Variants in CDCA8 observed in about 807,000 individuals in gnomAD.
CDCA8 encodes cell division cycle associated 8.
CDCA8 carries 25 observed loss-of-function variants against 40.0 expected under a neutral mutation model. The observed-to-expected ratio is 0.63, with a 90% CI of 0.46 to 0.87. The LOEUF (loss-of-function observed/expected upper bound fraction) is 0.87. Among genes scored for constraint, CDCA8 ranks in the 40% least tolerant of loss-of-function variants. The pLI, the probability that CDCA8 is intolerant of heterozygous loss-of-function variation, is 0.00. For missense variants in CDCA8, 280 were observed against 348.4 expected, an observed-to-expected ratio of 0.80 and a Z score of 1.56; for synonymous variants, 111 against 126.5, an observed-to-expected ratio of 0.88 and a Z score of 0.82.
intron 5 of CDCA8, among the ~76,000 whole-genome samples, chr1:37,701,146 G>T (rs1426397853): frequency 1.3e-5 from 2 of 152,168 alleles, no homozygotes; most frequent in Non-Finnish European, 2.9e-5. Flanking sequence ...AGGGAGATTT[G>T]AGAGATACAC....
At chr1:37,703,228 C>A (rs1316305577) in intron 6 of CDCA8, 24 bp from the exon 7 acceptor site, 2 of 1,577,800 alleles carry the variant, frequency 1.3e-6, no homozygotes, top group Non-Finnish European at 1.7e-6. Context: ...GTTGGCATAC[C>A]TGATGGCCAT....
chr1:37,692,856 A>C (rs966430697), intron 1 of CDCA8, 49 bp from the exon 2 acceptor site: 2 of 1,612,796 alleles, frequency 1.2e-6, no homozygotes, highest in African/African-American at 2.7e-5. Flanking sequence ...CGAGCTGCAC[A>C]GATTCGCCCG....
At chr1:37,695,200 AT>A (rs1321602189) in intron 2 of CDCA8, among the ~76,000 whole-genome samples, 2 of 152,012 alleles carry the variant, frequency 1.3e-5, no homozygotes, top group East Asian at 1.9e-4. Context: ...TTTAAAAAAA[AT>A]AATTAAAAAT....
At chr1:37,705,217 G>A (rs1028880964) in intron 7 of CDCA8, among the ~76,000 whole-genome samples, 2 of 152,122 alleles carry the variant, frequency 1.3e-5, no homozygotes, top group African/African-American at 4.8e-5. Context: ...GATAAGAGTT[G>A]GCTTTTTGTA....
In CDCA8 at chr1:37,705,622, C is replaced by T. The variant is rs1489471442; in HGVS notation, c.711+55C>T. ...CAGTGTGCTGCTTAGTCAAGCATTT[C>T]TTTTCCCTGGGCCCTCACCCACGCT... On this transcript the variant is annotated intron_variant, in intron 8 of 9. Transcript: ENST00000373055. 1.9e-6 allele frequency: 3 copies of T among 1,595,774 alleles called. No homozygotes were observed. In the African/African-American group the frequency reaches 4.0e-5, roughly 21 times the overall value.
At chr1:37,705,671 C>A in intron 8 of CDCA8, 104 bp downstream of exon 8, 1 of 1,358,754 alleles carries the variant, frequency 7.4e-7, no homozygotes, top group Non-Finnish European at 1.0e-6. Flanking sequence ...CCTTTCAGTG[C>A]GTGGGTCCTG....
chr1:37,708,269 G>GCAAGCCTGC, intron 9 of CDCA8, 53 bp from the exon 10 acceptor site: 1 of 1,570,292 alleles, frequency 6.4e-7, no homozygotes, highest in Non-Finnish European at 8.8e-7. Context: ...AGGCCAAGGG[G>GCAAGCCTGC]CAAGCCTGCC....
Position 37,695,928 on chromosome 1 carries a change from AGGCCCT to A in CDCA8, c.245_250del (p.Ala82_Leu83del), listed in dbSNP as rs1557515588. 1 of 1,613,928 alleles carries A rather than the reference AGGCCCT, an allele frequency of 6.2e-7. No homozygotes were observed. Among genetic ancestry groups the A allele is most frequent in the Non-Finnish European group, 8.5e-7 (1 of 1,179,926 alleles). ...TTTAAAGCCCTTGGAGGAAACAAAC[AGGCCCT>A]GGAAGAGGCGGCAACAGTAAGTGAC... is the stretch of plus-strand genomic sequence containing the variant. On this transcript the variant is annotated inframe_deletion, in exon 3 of 10. Transcript: ENST00000373055.
intron 7 of CDCA8, among the ~76,000 whole-genome samples, chr1:37,705,139 G>GT (rs571856035): frequency 7.7e-4 from 117 of 152,278 alleles, no homozygotes; most frequent in African/African-American, 2.7e-3. Context: ...ATTAACCAGC[G>GT]TATTTCTGGC....
rs1221157308 is a variant in CDCA8, at chr1:37,706,923, G to C, written c.712-55G>C. The C allele has an allele frequency of 2.9e-6, 4 of 1,389,796 alleles. No homozygotes were observed. In the African/African-American group the frequency reaches 4.3e-5, roughly 15 times the overall value. The allele number at this position is 1,389,796 out of a possible 1,614,324, so 86.1% of individuals were successfully genotyped here. On this transcript the variant is annotated intron_variant, in intron 8 of 9. Transcript: ENST00000373055. Reference sequence around the variant, plus strand: ...AAGTGCAGGATATCAGGGGAACCTAGGGGTTCCGGCCCTAAGGGCCATGGC... The same window carrying C: ...AAGTGCAGGATATCAGGGGAACCTACGGGTTCCGGCCCTAAGGGCCATGGC...
rs1356500158 is a variant in CDCA8 at position 37,708,844 on chromosome 1, G to C, written c.*478G>C. On this transcript the variant is annotated 3_prime_UTR_variant, in exon 10 of 10. Coordinates refer to ENST00000373055, the MANE Select transcript of CDCA8 (RefSeq NM_001256875.2). The stretch of plus-strand genomic sequence containing the variant: ...ATAAGTGAGCTCTGGGCCATGAGAG[G>C]GTAGGTCCAGAAGGTGGGGGGAACT... The C allele has an allele frequency of 1.4e-5, 3 of 222,082 alleles. No individual in the cohort carries two copies. In the East Asian group the frequency reaches 3.0e-4, roughly 22 times the overall value. The allele number at this position is 222,082 out of a possible 1,614,324, so 13.8% of individuals were successfully genotyped here. A position where few individuals can be genotyped will look rare whatever the true frequency, so the allele number is the denominator to read the frequency against.
At position 37,708,826 on chromosome 1, in the gene CDCA8, A is replaced by G. The variant is rs561306039; in HGVS notation, c.*460A>G. The G allele has an allele frequency of 9.4e-5, 22 of 233,376 alleles. No individual in the cohort carries two copies. The East Asian group carries it at 1.1e-3, about 12-fold the overall frequency. 14.5% of individuals were successfully genotyped at this position (233,376 alleles called of 1,614,324 possible). ...CGGGAGGTTTAGGCTCAGATAAGTG[A>G]GCTCTGGGCCATGAGAGGGTAGGTC... On this transcript the variant is annotated 3_prime_UTR_variant, in exon 10 of 10. Transcript: ENST00000373055.
intron 2 of CDCA8, among the ~76,000 whole-genome samples, chr1:37,693,317 G>A (rs1328987623): frequency 6.6e-6 from 1 of 152,152 alleles, no homozygotes; most frequent in South Asian, 2.1e-4. Context: ...GCATGGATGG[G>A]CTGTATTCCA....
intron 4 of CDCA8, among the ~76,000 whole-genome samples, chr1:37,699,503 G>C (rs1279179614): frequency 6.6e-6 from 1 of 151,906 alleles, no homozygotes; most frequent in Non-Finnish European, 1.5e-5. Flanking sequence ...AGGCCAAGCT[G>C]TGAGGATTAC....
At position 37,708,840 on chromosome 1, in the gene CDCA8, A is replaced by G. The variant is rs376047393; in HGVS notation, c.*474A>G. 71 of 226,202 alleles carry G rather than the reference A, an allele frequency of 3.1e-4. No homozygotes were observed. In the South Asian group the frequency reaches 5.2e-3, roughly 17 times the overall value. The allele number at this position is 226,202 out of a possible 1,614,324, so 14.0% of individuals were successfully genotyped here. Reference sequence around the variant, plus strand: ...TCAGATAAGTGAGCTCTGGGCCATGAGAGGGTAGGTCCAGAAGGTGGGGGG... The same window carrying G: ...TCAGATAAGTGAGCTCTGGGCCATGGGAGGGTAGGTCCAGAAGGTGGGGGG... On this transcript the variant is annotated 3_prime_UTR_variant, in exon 10 of 10. Coordinates refer to ENST00000373055, the MANE Select transcript of CDCA8 (RefSeq NM_001256875.2).
chr1:37,701,097 A>G (rs570383493), intron 5 of CDCA8, among the ~76,000 whole-genome samples: 3 of 152,272 alleles, frequency 2.0e-5, no homozygotes. Flanking sequence ...CAGGACATCT[A>G]GGCTAGACAG....
At chr1:37,693,529 G>C (rs1238619389) in intron 2 of CDCA8, among the ~76,000 whole-genome samples, 3 of 152,020 alleles carry the variant, frequency 2.0e-5, no homozygotes, top group African/African-American at 7.2e-5. Context: ...CTCTGGAGTG[G>C]CTGGGATTAC....
chr1:37,699,044 T>TGAG, intron 4 of CDCA8, 67 bp downstream of exon 4: 3 of 1,043,446 alleles, frequency 2.9e-6, no homozygotes, highest in Non-Finnish European at 4.5e-6. Flanking sequence ...GGTTGGCTGC[T>TGAG]CAGGCAGCGC....
rs1213558625 is a variant in CDCA8 at position 37,709,219 on chromosome 1, A to ATAAC, written c.*855_*858dup. 2.0e-5 allele frequency: 3 copies of ATAAC among 152,234 alleles called. No individual in the cohort carries two copies. The highest frequency in any genetic ancestry group is 2.1e-4 in the South Asian group (1 of 4,826). 9.4% of individuals were successfully genotyped at this position (152,234 alleles called of 1,614,324 possible). A position where few individuals can be genotyped will look rare whatever the true frequency, so the allele number is the denominator to read the frequency against. On this transcript the variant is annotated 3_prime_UTR_variant, in exon 10 of 10. Coordinates refer to ENST00000373055, the MANE Select transcript of CDCA8 (RefSeq NM_001256875.2). ...GAGGTTTTATGTCATTGGCCACAGA[A>ATAAC]TAACTGTCTCTAAGCTATCCATGGT...
Sources: allele counts gnomAD v4.1 joint callset (sites outside exome capture counted in the v4.1 genomes callset), GRCh38; gene constraint gnomAD v4.1.1; transcripts MANE v1.5; gene names NCBI Gene and HGNC (gene_info 2026-07-23, HGNC 2026-07-21).